SLAMF6: variants seen among roughly 807,000 people sequenced by gnomAD.
SLAMF6 encodes the protein NK-T-B-antigen.
SLAMF6 carries 21 observed loss-of-function variants against 38.3 expected under a neutral mutation model. That is an observed-to-expected ratio of 0.55 (90% confidence interval 0.39 to 0.79). SLAMF6 has a LOEUF of 0.79. SLAMF6 is among the 30% of genes least tolerant of loss of function. SLAMF6 has a pLI of 0.00. For missense variants in SLAMF6, 341 were observed against 385.3 expected (o/e 0.89, Z 0.96); for synonymous variants, 152 against 146.3 (o/e 1.04, Z -0.28).
intron 1 of SLAMF6, among the ~76,000 whole-genome samples, chr1:160,520,263 A>G (rs1300228668): frequency 6.6e-6 from 1 of 152,136 alleles, no homozygotes; most frequent in Non-Finnish European, 1.5e-5. Context: ...TGCTTTACTT[A>G]CATTTCCAAC....
In SLAMF6 at chr1:160,485,561, C is replaced by G. The variant is rs780018752; in HGVS notation, c.*1146G>C. ...CATAGAGAGTGTCAGAAGGGTAATG[C>G]TAGCTGAGGCTGGAGGTGGGCCAGA... is the stretch of plus-strand genomic sequence containing the variant. On this transcript the variant is annotated 3_prime_UTR_variant, in exon 8 of 8. Transcript: ENST00000368057. 4 of 152,204 alleles carry G rather than the reference C, an allele frequency of 2.6e-5. No homozygotes were observed. The highest frequency in any genetic ancestry group is 5.9e-5 in the Non-Finnish European group (4 of 68,072). The allele number at this position is 152,204 out of a possible 1,614,324, so 9.4% of individuals were successfully genotyped here. A position where few individuals can be genotyped will look rare whatever the true frequency, so the allele number is the denominator to read the frequency against.
intron 1 of SLAMF6, among the ~76,000 whole-genome samples, chr1:160,507,602 C>A (rs1414128621): frequency 1.3e-5 from 2 of 152,062 alleles, no homozygotes; most frequent in Non-Finnish European, 2.9e-5. Context: ...TCCTCAAATG[C>A]ACATAAGTCG....
intron 1 of SLAMF6, 82 bp from the exon 2 acceptor site, chr1:160,496,475 C>A: frequency 7.1e-7 from 1 of 1,402,916 alleles, no homozygotes; most frequent in South Asian, 1.3e-5. Context: ...CTAACGCTGC[C>A]AGTCTGTTAG....
chr1:160,519,675 G>A (rs759507119), intron 1 of SLAMF6, among the ~76,000 whole-genome samples: 2 of 151,870 alleles, frequency 1.3e-5, no homozygotes, highest in Non-Finnish European at 2.9e-5. Flanking sequence ...ATGATGCTAA[G>A]TGAAAGAAGT....
intron 1 of SLAMF6, among the ~76,000 whole-genome samples, chr1:160,497,924 T>C (rs1653678966): frequency 6.6e-6 from 1 of 152,188 alleles, no homozygotes; most frequent in Admixed American, 6.5e-5. Flanking sequence ...CTATTATGAA[T>C]AGCATAGTAT....
At position 160,509,969 on chromosome 1, in the gene SLAMF6, T is replaced by G. The variant is rs74749704; in HGVS notation, c.49+13175A>C. Among the ~76,000 whole-genome samples the G allele has an allele frequency of 8.6e-3, 1,313 of 152,166 alleles. 40 individuals are homozygous for G. Among genetic ancestry groups the G allele is most frequent in the East Asian group, 0.066 (342 of 5,184 alleles). ...ACAACTAAAAGGATTAAGAGAACAC[T>G]ATAAATAACTATATGCCAACAAATT... On this transcript the variant is annotated intron_variant, in intron 1 of 7. Transcript: ENST00000368057.
intron 1 of SLAMF6, 86 bp downstream of exon 1, chr1:160,523,058 A>T: frequency 7.0e-7 from 1 of 1,438,812 alleles, no homozygotes; most frequent in Non-Finnish European, 9.7e-7. Context: ...AGAGCCAGAC[A>T]ACTGTATACA....
intron 1 of SLAMF6, among the ~76,000 whole-genome samples, chr1:160,518,094 C>T (rs1435509888): frequency 6.6e-6 from 1 of 151,712 alleles, no homozygotes; most frequent in Non-Finnish European, 1.5e-5. Flanking sequence ...TTCCATTAAA[C>T]TTACTCTTCA....
chr1:160,510,261 C>A (rs1654404209), intron 1 of SLAMF6, among the ~76,000 whole-genome samples: 1 of 152,048 alleles, frequency 6.6e-6, no homozygotes, highest in East Asian at 1.9e-4. Flanking sequence ...TCAGCATTAC[C>A]CTGATACCAA....
chr1:160,500,095 T>C (rs1653805100), intron 1 of SLAMF6, among the ~76,000 whole-genome samples: 1 of 152,184 alleles, frequency 6.6e-6, no homozygotes, highest in Admixed American at 6.5e-5. Flanking sequence ...GGAGGGAGTA[T>C]AAAGGAAGGA....
Position 160,491,163 on chromosome 1 carries a change from T to G in SLAMF6, c.608A>C (p.Asn203Thr). Residue 203 changes from asparagine to threonine, a missense_variant, in exon 3 of 8, where the codon AAT (asparagine) becomes ACT (threonine). Transcript: ENST00000368057. ...CTGGGCAGAGACAGAGAAGGATAAA[T>G]TACTGACAGCATTCTCTGCTATGCA... ...YTCIAENAVS[N>T]LSFSVSAQKL... The G allele has an allele frequency of 3.1e-6, 5 of 1,613,984 alleles. No individual in the cohort carries two copies. The highest frequency in any genetic ancestry group is 4.2e-6 in the Non-Finnish European group (5 of 1,179,954).
intron 1 of SLAMF6, among the ~76,000 whole-genome samples, chr1:160,503,496 G>T (rs17385407): frequency 0.25 from 37,663 of 152,046 alleles, 5,319 homozygotes; most frequent in Middle Eastern, 0.39. Context: ...CCCAGGAACA[G>T]GGAAAGAAGG....
At position 160,496,186 on chromosome 1, in the gene SLAMF6, A is replaced by G. The variant is rs1266318579; in HGVS notation, c.257T>C (p.Leu86Pro). ...CAGGGAGTAGGACTGGGTGAAGTTCAGTCGCTTTCCCTGTTTCGGATTAGT... is the reference window on the plus strand; with the variant it reads ...CAGGGAGTAGGACTGGGTGAAGTTCGGTCGCTTTCCCTGTTTCGGATTAGT... ...HVTNPKQGKR[L>P]NFTQSYSLQL... Residue 86 changes from leucine (L) to proline (P), a missense_variant, in exon 2 of 8, where the codon CTG becomes CCG. Physicochemically the swap from Leu to Pro is moderately conservative, Grantham distance 98. Coordinates refer to ENST00000368057, the MANE Select transcript of SLAMF6 (RefSeq NM_001184714.2). 2 of 1,613,962 alleles carry G rather than the reference A, an allele frequency of 1.2e-6. No individual in the cohort carries two copies. The highest frequency in any genetic ancestry group is 1.7e-6 in the Non-Finnish European group (2 of 1,179,922).
At position 160,509,130 on chromosome 1, in the gene SLAMF6, T is replaced by C. The variant is rs192575434; in HGVS notation, c.50-12737A>G. On this transcript the variant is annotated intron_variant, in intron 1 of 7. Transcript: ENST00000368057. ...AAGGATCTAGAACTAGAAATACCAT[T>C]TGACCCAGCCATCCCATTACTGGGT... 1.6e-3 allele frequency among the ~76,000 whole-genome samples: 238 copies of C among 152,290 alleles called. 1 individual carries two copies. Among genetic ancestry groups the C allele is most frequent in the African/African-American group, 5.5e-3 (227 of 41,556 alleles).
At chr1:160,492,236 A>G (rs1393561262) in intron 2 of SLAMF6, among the ~76,000 whole-genome samples, 4 of 152,226 alleles carry the variant, frequency 2.6e-5, no homozygotes, top group Non-Finnish European at 5.9e-5. Context: ...TGACCCAACC[A>G]GGAAGAGAAT....
At chr1:160,494,962 C>T (rs143311705) in intron 2 of SLAMF6, among the ~76,000 whole-genome samples, 29 of 152,210 alleles carry the variant, frequency 1.9e-4, no homozygotes, top group African/African-American at 5.8e-4. Flanking sequence ...TAGTTAGAAT[C>T]GCTTGTATAG....
chr1:160,496,631 G>A (rs552039008), intron 1 of SLAMF6, among the ~76,000 whole-genome samples: 3 of 152,174 alleles, frequency 2.0e-5, no homozygotes, highest in East Asian at 1.9e-4. Flanking sequence ...AGATGAAACC[G>A]GCCCAGTCCA....
chr1:160,499,022 G>A (rs192499249), intron 1 of SLAMF6, among the ~76,000 whole-genome samples: 89 of 152,144 alleles, frequency 5.8e-4, no homozygotes, highest in Middle Eastern at 6.8e-3. Context: ...GTCTGTTTAC[G>A]GTAATGATAG....
At chr1:160,497,255 G>A (rs561453128) in intron 1 of SLAMF6, among the ~76,000 whole-genome samples, 3 of 152,242 alleles carry the variant, frequency 2.0e-5, no homozygotes, top group African/African-American at 4.8e-5. Flanking sequence ...AAGCAAAAAC[G>A]GTGAAATGGT....
Sources: gnomAD v4.1 joint callset for allele counts (sites outside exome capture counted in the v4.1 genomes callset) on GRCh38, gnomAD v4.1.1 for gene constraint, MANE v1.5 for transcripts, NCBI Gene and HGNC (gene_info 2026-07-23, HGNC 2026-07-21) for gene names.